VOPP1: variants seen among roughly 807,000 people sequenced by gnomAD.
VOPP1 encodes the protein VOPP1 WW domain binding protein.
VOPP1 carries 8 observed loss-of-function variants against 23.5 expected under a neutral mutation model. The observed-to-expected ratio is 0.34, with a 90% confidence interval of 0.20 to 0.61. The LOEUF is 0.61. Among genes scored for constraint, VOPP1 ranks in the 20% least tolerant of loss-of-function variants. The pLI is 0.78. For missense variants in VOPP1, 174 were observed against 238.1 expected, an observed-to-expected ratio of 0.73 and a Z score of 1.77; for synonymous variants, 83 against 97.3, an observed-to-expected ratio of 0.85 and a Z score of 0.86.
chr7:55,508,424 C>T (rs1353175066), intron 2 of VOPP1, among the ~76,000 whole-genome samples: 5 of 152,290 alleles, frequency 3.3e-5, no homozygotes, highest in African/African-American at 4.8e-5. Context: ...CACACCACCA[C>T]GCCCAGCTAA....
intron 2 of VOPP1, 43 bp downstream of exon 2, chr7:55,521,029 G>C: frequency 6.5e-7 from 1 of 1,542,572 alleles, no homozygotes; most frequent in Non-Finnish European, 8.8e-7. Flanking sequence ...CCAGAGAAAG[G>C]TATGGCCACA....
chr7:55,572,236 C>T, intron 1 of VOPP1, 35 bp downstream of exon 1: 1 of 1,500,578 alleles, frequency 6.7e-7, no homozygotes, highest in Non-Finnish European at 8.8e-7. Context: ...TGGTGGGCGC[C>T]GCGCCTCCGG....
At chr7:55,501,239 A>G (rs1439196590) in intron 2 of VOPP1, among the ~76,000 whole-genome samples, 1 of 151,836 alleles carries the variant, frequency 6.6e-6, no homozygotes, top group Non-Finnish European at 1.5e-5. Context: ...TATAATAAAG[A>G]TGCGATATGA....
At chr7:55,532,580 C>A (rs1796558689) in intron 1 of VOPP1, among the ~76,000 whole-genome samples, 1 of 152,120 alleles carries the variant, frequency 6.6e-6, no homozygotes, top group Admixed American at 6.5e-5. Flanking sequence ...CAAAATGAAC[C>A]AGAAAAACAA....
At chr7:55,457,471 G>GT (rs1231771060) in intron 4 of VOPP1, among the ~76,000 whole-genome samples, 4 of 152,126 alleles carry the variant, frequency 2.6e-5, no homozygotes, top group Non-Finnish European at 4.4e-5. Flanking sequence ...TGTCTTTTGG[G>GT]TAAATACCCA....
intron 2 of VOPP1, among the ~76,000 whole-genome samples, chr7:55,513,333 T>A (rs1795202978): frequency 6.6e-6 from 1 of 152,212 alleles, no homozygotes; most frequent in Non-Finnish European, 1.5e-5. Context: ...TATTCCTTAA[T>A]TCTGTTTCAT....
chr7:55,462,858 G>A (rs926914896), intron 4 of VOPP1, among the ~76,000 whole-genome samples: 15 of 151,582 alleles, frequency 9.9e-5, no homozygotes, highest in African/African-American at 3.4e-4. Flanking sequence ...GGGTTTCACC[G>A]TTTTAGCCGG....
At chr7:55,501,730 G>A (rs762849884) in intron 2 of VOPP1, among the ~76,000 whole-genome samples, 7 of 152,118 alleles carry the variant, frequency 4.6e-5, no homozygotes, top group African/African-American at 1.4e-4. Flanking sequence ...TCCTCTGCAC[G>A]TGCTGATGGT....
At chr7:55,464,673 T>C (rs1200859457) in intron 4 of VOPP1, among the ~76,000 whole-genome samples, 2 of 152,168 alleles carry the variant, frequency 1.3e-5, no homozygotes, top group African/African-American at 2.4e-5. Flanking sequence ...GCCAGTGTTG[T>C]GATGCTGCAG....
chr7:55,443,477 G>A (rs182912241), intron 4 of VOPP1, among the ~76,000 whole-genome samples: 17 of 151,120 alleles, frequency 1.1e-4, no homozygotes, highest in Admixed American at 5.3e-4. Flanking sequence ...TGGCATGAAC[G>A]CAGGAGGCAG....
intron 4 of VOPP1, among the ~76,000 whole-genome samples, chr7:55,454,540 A>G (rs1280097861): frequency 6.6e-6 from 1 of 152,380 alleles, no homozygotes; most frequent in East Asian, 1.9e-4. Context: ...CATCAATGCA[A>G]AAATTCTTAA....
rs774541984 is a variant in VOPP1 at position 55,497,596 on chromosome 7, G to GA, written c.191+16dup. ...CAGAGCTCTCGGGGTAGGGAACAAGGAGGAGTTGTGACCTACCAGAAGTAC... is the reference window on the plus strand; with the variant it reads ...CAGAGCTCTCGGGGTAGGGAACAAGGAAGGAGTTGTGACCTACCAGAAGTAC... On this transcript the variant is annotated intron_variant, in intron 3 of 4. Transcript: ENST00000285279. 6.4e-7 allele frequency: 1 copy of GA among 1,556,324 alleles called. No individual in the cohort carries two copies. The highest frequency in any genetic ancestry group is 1.7e-5 in the Admixed American group (1 of 58,296).
intron 1 of VOPP1, among the ~76,000 whole-genome samples, chr7:55,528,990 A>AT (rs1306925395): frequency 1.3e-5 from 2 of 152,204 alleles, no homozygotes; most frequent in African/African-American, 4.8e-5. Flanking sequence ...ACAGTGTTAT[A>AT]TTTGGATGGT....
At chr7:55,486,384 A>T (rs943917368) in intron 4 of VOPP1, among the ~76,000 whole-genome samples, 16 of 152,230 alleles carry the variant, frequency 1.1e-4, no homozygotes, top group African/African-American at 3.9e-4. Context: ...AACATTCTAG[A>T]TGTATCCACT....
At chr7:55,436,257 T>C (rs1322144906) in intron 4 of VOPP1, 1 of 152,230 alleles carries the variant, frequency 6.6e-6, no homozygotes, top group Non-Finnish European at 1.5e-5. Flanking sequence ...CTCTGGAGCC[T>C]GGGAGCTTGT....
chr7:55,569,760 G>T (rs1304209558), intron 1 of VOPP1, among the ~76,000 whole-genome samples: 1 of 152,164 alleles, frequency 6.6e-6, no homozygotes, highest in African/African-American at 2.4e-5. Context: ...GGGATGGTGA[G>T]GCAGGGGAGG....
chr7:55,499,882 T>G (rs977732126), intron 2 of VOPP1, among the ~76,000 whole-genome samples: 3 of 152,124 alleles, frequency 2.0e-5, no homozygotes, highest in African/African-American at 7.2e-5. Context: ...AACAGTACCT[T>G]CTGCAATTCT....
intron 1 of VOPP1, among the ~76,000 whole-genome samples, chr7:55,531,413 G>A (rs775922283): frequency 5.3e-5 from 8 of 149,716 alleles, no homozygotes; most frequent in African/African-American, 7.4e-5. Flanking sequence ...GCAGTGGTGC[G>A]ATCTTGGCTC....
At chr7:55,538,602 T>C (rs1233984651) in intron 1 of VOPP1, 2 of 1,535,426 alleles carry the variant, frequency 1.3e-6, no homozygotes, top group Admixed American at 2.0e-5. Context: ...TAATAATCCA[T>C]CTATACAAAC....
Sources: allele counts gnomAD v4.1 joint callset (sites outside exome capture counted in the v4.1 genomes callset), GRCh38; gene constraint gnomAD v4.1.1; transcripts MANE v1.5; gene names NCBI Gene and HGNC (gene_info 2026-07-23, HGNC 2026-07-21).